ZSCAN5A: variants seen among roughly 807,000 people sequenced by gnomAD.
ZSCAN5A encodes zinc finger and SCAN domain-containing protein 5A.
ZSCAN5A carries 12 observed loss-of-function variants against 23.7 expected under a neutral mutation model. The observed-to-expected ratio is 0.51, with a 90% confidence interval of 0.32 to 0.82. The LOEUF (loss-of-function observed/expected upper bound fraction) is 0.82, where lower values mean the gene tolerates loss of function less well. Among genes scored for constraint, ZSCAN5A ranks in the 40% least tolerant of loss-of-function variants. The pLI is 0.03. For missense variants in ZSCAN5A, 597 were observed against 617.9 expected, an observed-to-expected ratio of 0.97 and a Z score of 0.36; for synonymous variants, 257 against 239.9, an observed-to-expected ratio of 1.07 and a Z score of -0.66.
intron 1 of ZSCAN5A, chr19:56,367,129 G>C (rs1216651928): frequency 6.6e-6 from 1 of 152,216 alleles, no homozygotes; most frequent in African/African-American, 2.4e-5. Flanking sequence ...GGAGGTCAAT[G>C]TGGGAGGATC....
Position 56,263,972 on chromosome 19 carries a change from C to CTTT in ZSCAN5A, c.-127-38802_-127-38800dup, listed in dbSNP as rs35570967. Among the ~76,000 whole-genome samples the CTTT allele has an allele frequency of 8.4e-4, 118 of 140,334 alleles. 1 individual carries two copies. The highest frequency in any genetic ancestry group is 3.7e-3 in the Middle Eastern group (1 of 270). The allele number at this position is 140,334 out of a possible 152,430, so 92.1% of individuals were successfully genotyped here. ...GAGGAAAATGAAGCTCCAAGAAAAA[C>CTTT]TTTTTTTTTTTTTTTGAGATGGAAT... On this transcript the variant is annotated intron_variant, in intron 2 of 5. Coordinates refer to ENST00000683990, the MANE Select transcript of ZSCAN5A (RefSeq NM_001322064.3).
intron 2 of ZSCAN5A, among the ~76,000 whole-genome samples, chr19:56,268,010 G>A (rs151046342): frequency 0.012 from 1,826 of 152,256 alleles, 40 homozygotes; most frequent in African/African-American, 0.042. Context: ...GGCTAAATCC[G>A]ATGACACTTT....
At chr19:56,343,161 T>C (rs2041607977) in intron 2 of ZSCAN5A, 1 of 721,880 alleles carries the variant, frequency 1.4e-6, no homozygotes, top group East Asian at 2.7e-5. Context: ...ATTTCATCTC[T>C]AATTGCTTTA....
chr19:56,243,993 G>A (rs1172165212), intron 2 of ZSCAN5A: 1 of 682,928 alleles, frequency 1.5e-6, no homozygotes. Flanking sequence ...TTAGACACCA[G>A]CTACTGGAAG....
At chr19:56,244,692 C>G (rs2035722085) in intron 2 of ZSCAN5A, among the ~76,000 whole-genome samples, 1 of 149,564 alleles carries the variant, frequency 6.7e-6, no homozygotes, top group Non-Finnish European at 1.5e-5. Flanking sequence ...ATCAGCTGTG[C>G]TGAGACGGCA....
intron 2 of ZSCAN5A, among the ~76,000 whole-genome samples, chr19:56,310,787 T>A (rs998260833): frequency 1.3e-5 from 2 of 152,178 alleles, no homozygotes; most frequent in African/African-American, 2.4e-5. Flanking sequence ...CTGGAGGAGG[T>A]TCCTTGTCCT....
intron 2 of ZSCAN5A, among the ~76,000 whole-genome samples, chr19:56,251,447 A>G (rs115042694): frequency 0.013 from 1,995 of 152,280 alleles, 42 homozygotes; most frequent in African/African-American, 0.043. Flanking sequence ...TATCAGTCAG[A>G]GTCCAATGAA....
intron 2 of ZSCAN5A, chr19:56,319,892 C>T: frequency 1.1e-6 from 1 of 910,454 alleles, no homozygotes; most frequent in African/African-American, 1.6e-5. Context: ...TTGAATAGCA[C>T]TCATCAGCTG....
intron 2 of ZSCAN5A, among the ~76,000 whole-genome samples, chr19:56,357,076 G>C (rs938639185): frequency 6.8e-6 from 1 of 148,090 alleles, no homozygotes; most frequent in African/African-American, 2.6e-5. Context: ...TTTGTGTTAG[G>C]CCTCCATTTT....
chr19:56,281,305 A>G (rs1209530711), intron 2 of ZSCAN5A, among the ~76,000 whole-genome samples: 1 of 152,178 alleles, frequency 6.6e-6, no homozygotes, highest in Non-Finnish European at 1.5e-5. Context: ...ATCTAAGTGG[A>G]TAAGTGTAAC....
chr19:56,359,702 C>T (rs1281074847), intron 2 of ZSCAN5A, among the ~76,000 whole-genome samples: 1 of 152,142 alleles, frequency 6.6e-6, no homozygotes, highest in East Asian at 1.9e-4. Flanking sequence ...AAACCAAATC[C>T]AGCAGCACAT....
At chr19:56,271,883 A>G (rs1314648292) in intron 2 of ZSCAN5A, among the ~76,000 whole-genome samples, 2 of 152,116 alleles carry the variant, frequency 1.3e-5, no homozygotes, top group Non-Finnish European at 2.9e-5. Flanking sequence ...TCCCACTGAC[A>G]GCTAAAGTTC....
chr19:56,294,676 C>G (rs138946977), intron 2 of ZSCAN5A, among the ~76,000 whole-genome samples: 3 of 152,148 alleles, frequency 2.0e-5, no homozygotes, highest in African/African-American at 7.2e-5. Flanking sequence ...GTAGACAACA[C>G]ATTGTGAATG....
intron 2 of ZSCAN5A, among the ~76,000 whole-genome samples, chr19:56,287,802 A>G (rs2039239584): frequency 6.6e-6 from 1 of 152,226 alleles, no homozygotes; most frequent in Non-Finnish European, 1.5e-5. Flanking sequence ...AGATTCATTC[A>G]GCACCTTAAA....
intron 2 of ZSCAN5A, among the ~76,000 whole-genome samples, chr19:56,282,332 C>A (rs2038776161): frequency 6.6e-6 from 1 of 152,106 alleles, no homozygotes; most frequent in Admixed American, 6.6e-5. Flanking sequence ...AATTGCAGCT[C>A]CCCATTCTGG....
intron 2 of ZSCAN5A, chr19:56,228,439 A>C: frequency 1.0e-6 from 1 of 985,396 alleles, no homozygotes; most frequent in Non-Finnish European, 1.2e-6. Flanking sequence ...TATGGTTCCC[A>C]CTGAAACCCC....
chr19:56,229,957 C>A (rs2034311029), intron 2 of ZSCAN5A, among the ~76,000 whole-genome samples: 1 of 151,872 alleles, frequency 6.6e-6, no homozygotes, highest in Non-Finnish European at 1.5e-5. Flanking sequence ...TTACTGAATT[C>A]CTTTATCAGT....
At chr19:56,307,323 CTGCTTAAAT>C (rs2040757787) in intron 2 of ZSCAN5A, among the ~76,000 whole-genome samples, 1 of 152,158 alleles carries the variant, frequency 6.6e-6, no homozygotes, top group Non-Finnish European at 1.5e-5. Context: ...TGCTGCAGTC[CTGCTTAAAT>C]CCACCAGTGG....
chr19:56,294,951 T>C (rs531278915), intron 2 of ZSCAN5A: 1 of 152,338 alleles, frequency 6.6e-6, no homozygotes, highest in African/African-American at 2.4e-5. Context: ...GGAAAGCAGC[T>C]TAGTGGTTGC....
Sources: gnomAD v4.1 joint callset for allele counts (sites outside exome capture counted in the v4.1 genomes callset) on GRCh38, gnomAD v4.1.1 for gene constraint, MANE v1.5 for transcripts, NCBI Gene and HGNC (gene_info 2026-07-23, HGNC 2026-07-21) for gene names.